Variants in PCDHGB2 observed in about 807,000 individuals in gnomAD.
The protein encoded by PCDHGB2 is protocadherin gamma subfamily B, 2.
In PCDHGB2, 55 loss-of-function variants were observed where a neutral mutation model predicts 59.3. The ratio of observed to expected loss-of-function variants is 0.93; its 90% CI spans 0.75 to 1.16. The LOEUF (loss-of-function observed/expected upper bound fraction) is 1.16. Among genes scored for constraint, PCDHGB2 ranks in the 50% most tolerant of loss-of-function variants. PCDHGB2 has a pLI of 0.00. For synonymous variants in PCDHGB2, 516 were observed against 512.0 expected, an observed-to-expected ratio of 1.01 and a Z score of -0.11; for missense variants, 1,228 against 1,198.5, an observed-to-expected ratio of 1.02 and a Z score of -0.36.
At chr5:141,480,205 A>G (rs2099514310) in intron 1 of PCDHGB2, among the ~76,000 whole-genome samples, 1 of 151,108 alleles carries the variant, frequency 6.6e-6, no homozygotes, top group Admixed American at 6.6e-5. Flanking sequence ...GCAGTTCAAG[A>G]CCAGCCTGAG....
chr5:141,444,947 C>G (rs2098452252), intron 1 of PCDHGB2, among the ~76,000 whole-genome samples: 1 of 152,054 alleles, frequency 6.6e-6, no homozygotes, highest in Non-Finnish European at 1.5e-5. Context: ...GGAGGAGGAT[C>G]ATCTTAACAA....
chr5:141,456,042 C>T (rs1437027249), intron 1 of PCDHGB2, among the ~76,000 whole-genome samples: 3 of 151,886 alleles, frequency 2.0e-5, no homozygotes, highest in Non-Finnish European at 2.9e-5. Flanking sequence ...GGACTACAGG[C>T]GCCCACCACC....
At chr5:141,384,889 G>GTGGC in intron 1 of PCDHGB2, 1 of 1,613,882 alleles carries the variant, frequency 6.2e-7, no homozygotes, top group Non-Finnish European at 8.5e-7. Context: ...CACCGTGGCT[G>GTGGC]TGGCTGACAG....
rs146574799 is a variant in PCDHGB2, at chr5:141,487,337, G to A, written c.2422-7470G>A. The A allele has an allele frequency of 1.4e-5, 23 of 1,614,054 alleles. No individual in the cohort carries two copies. The highest frequency in any genetic ancestry group is 3.3e-5 in the Admixed American group (2 of 60,002). The stretch of plus-strand genomic sequence containing the variant: ...TAAGTGTCTTCGTGGGGCAGCCTGT[G>A]GAGTCACATGCTTTCCTGCTGGCAC... On this transcript the variant is annotated intron_variant, in intron 1 of 3. Coordinates refer to ENST00000522605, the MANE Select transcript of PCDHGB2 (RefSeq NM_018923.3). The surrounding 1 kb of genome is among the most constrained non-coding windows in gnomAD (Gnocchi z 5.0).
At chr5:141,375,821 C>T in intron 1 of PCDHGB2, 1 of 1,614,192 alleles carries the variant, frequency 6.2e-7, no homozygotes, top group Non-Finnish European at 8.5e-7. Context: ...GCTGGCGCCC[C>T]GCTCCGCAGA....
At chr5:141,364,797 T>C in intron 1 of PCDHGB2, 1 of 1,613,994 alleles carries the variant, frequency 6.2e-7, no homozygotes, top group Non-Finnish European at 8.5e-7. Context: ...GTGCTTCCCT[T>C]CGCGCGGGAT....
chr5:141,382,699 G>C lies in PCDHGB2; in HGVS notation c.2421+20143G>C, dbSNP rs6876944. The stretch of plus-strand genomic sequence containing the variant: ...CCAACCAGGGAAAAATGGTGCGAGA[G>C]ATCCCACAGAAACCACCGAGTTTTA... On this transcript the variant is annotated intron_variant, in intron 1 of 3. Transcript: ENST00000522605. 3,018 of 458,814 alleles carry C rather than the reference G, an allele frequency of 6.6e-3. 90 individuals carry two copies. Among genetic ancestry groups the C allele is most frequent in the African/African-American group, 0.053 (2,693 of 50,344 alleles). 28.4% of individuals were successfully genotyped at this position (458,814 alleles called of 1,614,324 possible).
intron 1 of PCDHGB2, chr5:141,372,300 G>A: frequency 2.5e-6 from 4 of 1,613,366 alleles, no homozygotes; most frequent in Non-Finnish European, 3.4e-6. Context: ...GGGCGACAGG[G>A]AGGCCGCCCG....
At chr5:141,375,915 C>A in intron 1 of PCDHGB2, 2 of 1,613,746 alleles carry the variant, frequency 1.2e-6, no homozygotes, top group South Asian at 2.2e-5. Flanking sequence ...CTGCTCAAGG[C>A]CAGCGAGCCA....
rs547129690 is a variant in PCDHGB2, at chr5:141,385,366, C to A, written c.2421+22810C>A. On this transcript the variant is annotated intron_variant, in intron 1 of 3. Transcript: ENST00000522605. ...TTTATTTCCATGAGGAATTTATTTG[C>A]ATGATATTTCTCTATTATTTTGCAA... The A allele has an allele frequency of 5.9e-6, 9 of 1,535,728 alleles. No individual in the cohort carries two copies. The South Asian group carries it at 9.0e-5, about 15-fold the overall frequency.
chr5:141,451,007 T>A (rs2098704118), intron 1 of PCDHGB2, among the ~76,000 whole-genome samples: 1 of 151,594 alleles, frequency 6.6e-6, no homozygotes, highest in Non-Finnish European at 1.5e-5. Flanking sequence ...TTGTATTTTT[T>A]TTAGTAGAGA....
At chr5:141,422,709 T>A in intron 1 of PCDHGB2, 1 of 1,603,558 alleles carries the variant, frequency 6.2e-7, no homozygotes, top group Admixed American at 1.7e-5. Flanking sequence ...CTCTGACGGA[T>A]GACACTGTCC....
chr5:141,445,363 T>C (rs186841717), intron 1 of PCDHGB2, among the ~76,000 whole-genome samples: 9 of 152,284 alleles, frequency 5.9e-5, no homozygotes. Context: ...CCAAGTCTGG[T>C]CCTGGGTGGT....
At chr5:141,374,076 A>AGCCAGTAATGGCGCCTCCGCAGAGGC (rs1770087883) in intron 1 of PCDHGB2, 1 of 1,514,538 alleles carries the variant, frequency 6.6e-7, no homozygotes, top group Non-Finnish European at 8.8e-7. Flanking sequence ...GTTCCTAATA[A>AGCCAGTAATGGCGCCTCCGCAGAGGC]GCCAGTAATG....
Position 141,489,322 on chromosome 5 carries a change from T to C in PCDHGB2, c.2422-5485T>C. The C allele has an allele frequency of 6.2e-7, 1 of 1,601,052 alleles. No individual in the cohort carries two copies. Among genetic ancestry groups the C allele is most frequent in the Non-Finnish European group, 8.5e-7 (1 of 1,172,658 alleles). ...GTCCTTGTGCTGCTGGGGCTGGGTGTCTGGGCAGCTTCGTTACTCAGTGGT... is the reference window on the plus strand; with the variant it reads ...GTCCTTGTGCTGCTGGGGCTGGGTGCCTGGGCAGCTTCGTTACTCAGTGGT... On this transcript the variant is annotated intron_variant, in intron 1 of 3. Coordinates refer to ENST00000522605, the MANE Select transcript of PCDHGB2 (RefSeq NM_018923.3). The surrounding 1 kb of genome is among the most constrained non-coding windows in gnomAD (Gnocchi z 4.5).
intron 1 of PCDHGB2, chr5:141,422,227 A>G: frequency 6.4e-7 from 1 of 1,566,716 alleles, no homozygotes; most frequent in Non-Finnish European, 8.6e-7. Context: ...CACCACGACG[A>G]TGTTGATCAC....
At chr5:141,406,474 T>TA (rs1309995681) in intron 1 of PCDHGB2, among the ~76,000 whole-genome samples, 1 of 152,248 alleles carries the variant, frequency 6.6e-6, no homozygotes, top group Non-Finnish European at 1.5e-5. Flanking sequence ...TCTTTGAGGT[T>TA]ATATTTTTCA....
In PCDHGB2 at chr5:141,362,122, A is replaced by G. The variant is rs772713796; in HGVS notation, c.1987A>G (p.Ile663Val). Residue 663 changes from isoleucine to valine, a missense_variant, in exon 1 of 4, where the codon ATC becomes GTC. This residue lies in a region of PCDHGB2 where 433 missense variants were observed against 441.8 expected (regional missense o/e 0.98). Transcript: ENST00000522605. ...PLSATATLHL[I>V]FADSLQEVLP... is the part of the protein sequence containing the mutation. Reference sequence around the variant, plus strand: ...CTCCGCTACGGCCACGCTGCACCTAATCTTCGCGGATAGCCTGCAAGAGGT... The same window carrying G: ...CTCCGCTACGGCCACGCTGCACCTAGTCTTCGCGGATAGCCTGCAAGAGGT... 5 of 1,613,798 alleles carry G rather than the reference A, an allele frequency of 3.1e-6. No individual in the cohort carries two copies. The South Asian group carries it at 3.3e-5, about 11-fold the overall frequency.
intron 1 of PCDHGB2, chr5:141,414,700 A>G (rs886960965): frequency 6.2e-7 from 1 of 1,613,994 alleles, no homozygotes. Context: ...GTCCTCATAC[A>G]TATCCATCAA....
Sources: allele counts gnomAD v4.1 joint callset (sites outside exome capture counted in the v4.1 genomes callset), GRCh38; gene constraint gnomAD v4.1.1; regional missense constraint gnomAD v4.1.1; non-coding constraint Gnocchi (gnomAD v3.1); transcripts MANE v1.5; gene names NCBI Gene and HGNC (gene_info 2026-07-23, HGNC 2026-07-21).